Variants in POLN observed in about 807,000 individuals in gnomAD.
POLN encodes the protein DNA polymerase nu.
Under a neutral mutation model 113.5 loss-of-function variants are expected in POLN, and 108 were observed. That is an observed-to-expected ratio of 0.95 (90% confidence interval 0.81 to 1.12). The LOEUF (loss-of-function observed/expected upper bound fraction) is 1.12. POLN is among the 50% of genes most tolerant of loss of function. POLN has a pLI of 0.00. For synonymous variants in POLN, 386 were observed against 391.5 expected (o/e 0.99, Z 0.17); for missense variants, 1,097 against 1,077.1 (o/e 1.02, Z -0.26).
intron 2 of POLN, chr4:2,238,746 G>A (rs1240091315): frequency 3.7e-6 from 6 of 1,613,586 alleles, no homozygotes; most frequent in Admixed American, 1.7e-5. Context: ...TCAAGTTGAC[G>A]ATATATGTCC....
intron 19 of POLN, among the ~76,000 whole-genome samples, chr4:2,110,716 A>C (rs970644589): frequency 2.6e-5 from 4 of 152,228 alleles, no homozygotes; most frequent in Non-Finnish European, 5.9e-5. Context: ...TGAATAGACC[A>C]ATAACAGGCT....
rs773856265 is a variant in POLN, at chr4:2,174,726, C to A, written c.1274G>T (p.Arg425Leu). ...LKDYGLWQLF[R>L]TLELPLIPIL... is the part of the protein sequence containing the mutation. ...TGGTATCAGAGGAAGCTCCAAAGTA[C>A]GAAATAGTTGCCATAAACCATAATC... Residue 425 changes from arginine to leucine, a missense_variant, in exon 10 of 26, where the codon CGT becomes CTT. Arg to Leu is a moderately radical substitution (Grantham distance 102). Transcript: ENST00000511885. 1 of 1,609,228 alleles carries A rather than the reference C, an allele frequency of 6.2e-7. No homozygotes were observed. Among genetic ancestry groups the A allele is most frequent in the Non-Finnish European group, 8.5e-7 (1 of 1,176,086 alleles).
intron 2 of POLN, among the ~76,000 whole-genome samples, chr4:2,235,815 A>G (rs756150164): frequency 1.3e-5 from 2 of 152,164 alleles, no homozygotes; most frequent in Non-Finnish European, 2.9e-5. Flanking sequence ...TAATGAACAA[A>G]TTAAGCATGG....
At position 2,081,947 on chromosome 4, in the gene POLN, C is replaced by CTTTTTT. The variant is rs71167773; in HGVS notation, c.2198-210_2198-205dup. 1.5e-4 allele frequency among the ~76,000 whole-genome samples: 14 copies of CTTTTTT among 92,550 alleles called. 1 individual carries two copies. The highest frequency in any genetic ancestry group is 6.2e-4 in the African/African-American group (10 of 16,102). The allele number at this position is 92,550 out of a possible 152,430, so 60.7% of individuals were successfully genotyped here. ...GAGGGTCTGAGCTGGGCACTCTGCA[C>CTTTTTT]TTTTTTTTTTTTTTTTTTTTTTTTT... On this transcript the variant is annotated intron_variant, in intron 21 of 25. Coordinates refer to ENST00000511885, the MANE Select transcript of POLN (RefSeq NM_181808.4).
intron 16 of POLN, among the ~76,000 whole-genome samples, chr4:2,141,476 T>C (rs1159543447): frequency 1.3e-5 from 2 of 152,168 alleles, no homozygotes; most frequent in African/African-American, 4.8e-5. Flanking sequence ...GTGGCCACCC[T>C]GTCCTTGTGG....
chr4:2,236,442 A>G, intron 2 of POLN: 1 of 1,607,786 alleles, frequency 6.2e-7, no homozygotes, highest in Non-Finnish European at 8.5e-7. Flanking sequence ...CTCTCCCTCC[A>G]AAACTTGGTA....
intron 7 of POLN, among the ~76,000 whole-genome samples, chr4:2,191,050 C>T (rs543285327): frequency 3.3e-5 from 5 of 152,220 alleles, no homozygotes; most frequent in Admixed American, 2.0e-4. Flanking sequence ...CATATCAGAG[C>T]GATATCTGCA....
intron 7 of POLN, among the ~76,000 whole-genome samples, chr4:2,188,466 T>G (rs1733337574): frequency 1.3e-5 from 2 of 152,058 alleles, no homozygotes; most frequent in Non-Finnish European, 2.9e-5. Flanking sequence ...CCGGGCCTGG[T>G]GGCGGGCGCC....
chr4:2,078,894 A>C, intron 23 of POLN: 2 of 985,374 alleles, frequency 2.0e-6, no homozygotes, highest in Non-Finnish European at 2.4e-6. Flanking sequence ...TCACATGCCA[A>C]CTTCCTTTAT....
intron 13 of POLN, among the ~76,000 whole-genome samples, chr4:2,162,681 T>C (rs1048382813): frequency 6.6e-6 from 1 of 152,128 alleles, no homozygotes; most frequent in African/African-American, 2.4e-5. Context: ...GGTCTTGAAC[T>C]CCTGGACTCA....
At chr4:2,113,593 C>T (rs979894260) in intron 19 of POLN, among the ~76,000 whole-genome samples, 6 of 151,162 alleles carry the variant, frequency 4.0e-5, no homozygotes, top group African/African-American at 1.5e-4. Context: ...CATGGTGGCT[C>T]ATGCCTGTAA....
intron 6 of POLN, among the ~76,000 whole-genome samples, chr4:2,194,517 G>C (rs1733528749): frequency 6.6e-6 from 1 of 152,112 alleles, no homozygotes; most frequent in African/African-American, 2.4e-5. Flanking sequence ...TGGCTTGGCT[G>C]GACCGGTGAG....
intron 24 of POLN, among the ~76,000 whole-genome samples, chr4:2,073,770 C>T (rs537879113): frequency 1.1e-4 from 16 of 152,342 alleles, no homozygotes; most frequent in South Asian, 4.1e-4. Flanking sequence ...CCGTGGTGGG[C>T]GCCACCTCAC....
intron 3 of POLN, among the ~76,000 whole-genome samples, chr4:2,226,357 A>T (rs185808693): frequency 6.6e-6 from 1 of 152,362 alleles, no homozygotes; most frequent in East Asian, 1.9e-4. Flanking sequence ...CGTGGTAAGA[A>T]ATGAGTAATC....
At chr4:2,141,708 A>C (rs1490477007) in intron 16 of POLN, among the ~76,000 whole-genome samples, 1 of 152,074 alleles carries the variant, frequency 6.6e-6, no homozygotes, top group African/African-American at 2.4e-5. Context: ...CTCCTCCATG[A>C]ACCAGTGAGA....
At chr4:2,090,598 A>G (rs771629441) in intron 20 of POLN, 9 of 446,814 alleles carry the variant, frequency 2.0e-5, no homozygotes, top group Non-Finnish European at 3.8e-5. Context: ...ACAGCCTCGA[A>G]CATTCCGATG....
chr4:2,095,897 G>C lies in POLN; in HGVS notation c.2019C>G (p.Asp673Glu), dbSNP rs1235845982. 2 of 1,614,144 alleles carry C rather than the reference G, an allele frequency of 1.2e-6. No individual in the cohort carries two copies. Among genetic ancestry groups the C allele is most frequent in the Middle Eastern group, 1.6e-4 (1 of 6,062 alleles). ...DVPVEQVTHA[D>E]REQTKKVVYA... ...ACACCACCTTCTTGGTTTGCTCTCT[G>C]TCTGCGTGTGTCACCTGTTCCACGG... Residue 673 changes from aspartate (D) to glutamate (E), a missense_variant, in exon 20 of 26, where the codon GAC (aspartate) becomes GAG (glutamate). Physicochemically the swap from Asp to Glu is conservative, Grantham distance 45. Coordinates refer to ENST00000511885, the MANE Select transcript of POLN (RefSeq NM_181808.4).
intron 13 of POLN, among the ~76,000 whole-genome samples, chr4:2,169,150 G>C (rs536510951): frequency 2.8e-4 from 43 of 152,320 alleles, no homozygotes; most frequent in Admixed American, 1.8e-3. Context: ...CGCTGGAGTG[G>C]GGGGAGAGAG....
At chr4:2,151,494 T>C (rs371330510) in intron 16 of POLN, among the ~76,000 whole-genome samples, 1 of 152,222 alleles carries the variant, frequency 6.6e-6, no homozygotes, top group Non-Finnish European at 1.5e-5. Context: ...TATCTATCCA[T>C]GTAAGGACGT....
Sources: allele counts gnomAD v4.1 joint callset (sites outside exome capture counted in the v4.1 genomes callset), GRCh38; gene constraint gnomAD v4.1.1; transcripts MANE v1.5; gene names NCBI Gene and HGNC (gene_info 2026-07-23, HGNC 2026-07-21).